LARGE1: variants seen among roughly 807,000 people sequenced by gnomAD.
LARGE1 encodes the protein xylosyl- and glucuronyltransferase LARGE1.
A neutral mutation model predicts 87.6 loss-of-function variants in LARGE1; 43 were observed. The ratio of observed to expected loss-of-function variants is 0.49; its 90% CI spans 0.38 to 0.63. LARGE1 has a LOEUF of 0.63. Among genes scored for constraint, LARGE1 ranks in the 30% least tolerant of loss-of-function variants. The pLI, the probability that LARGE1 is intolerant of heterozygous loss-of-function variation, is 0.00. For missense variants in LARGE1, 802 were observed against 1,000.2 expected (o/e 0.80, Z 2.67); for synonymous variants, 434 against 394.6 (o/e 1.10, Z -1.18).
chr22:33,667,116 G>A (rs1252855360), intron 2 of LARGE1, among the ~76,000 whole-genome samples: 3 of 152,276 alleles, frequency 2.0e-5, no homozygotes, highest in South Asian at 4.1e-4. Context: ...TACTCAGCCC[G>A]GTGCATGCAC....
intron 3 of LARGE1, among the ~76,000 whole-genome samples, chr22:33,638,454 A>G (rs956071249): frequency 1.2e-4 from 18 of 146,848 alleles, no homozygotes; most frequent in African/African-American, 4.4e-4. Flanking sequence ...CCCAAGGTGA[A>G]AGATGATCCC....
chr22:33,110,559 C>T, the LARGE1 span: 1 of 152,274 alleles, frequency 6.6e-6, no homozygotes, highest in African/African-American at 2.4e-5. Context: ...TGGCCAGGAG[C>T]ATCACAGAGA....
intron 6 of LARGE1, among the ~76,000 whole-genome samples, chr22:33,519,933 C>T (rs1245799828): frequency 7.3e-5 from 11 of 151,168 alleles, no homozygotes; most frequent in African/African-American, 2.4e-4. Context: ...GAAGTTTGTA[C>T]TCCCTGGCTT....
At chr22:33,576,155 A>G (rs554184544) in intron 5 of LARGE1, among the ~76,000 whole-genome samples, 4 of 152,354 alleles carry the variant, frequency 2.6e-5, no homozygotes, top group African/African-American at 9.6e-5. Context: ...CACAGTATGT[A>G]TTTATGTATG....
intron 1 of LARGE1, among the ~76,000 whole-genome samples, chr22:33,817,926 GAGGAAAGGGGGAGGAGAGGA>G (rs1312999395): frequency 7.2e-6 from 1 of 139,734 alleles, no homozygotes; most frequent in Non-Finnish European, 1.6e-5. Context: ...GGAGGAGAGG[GAGGAAAGGGGGAGGAGAGGA>G]AGGAAGAACA....
intron 3 of LARGE1, among the ~76,000 whole-genome samples, chr22:33,631,958 T>C (rs899110716): frequency 6.6e-6 from 1 of 152,158 alleles, no homozygotes; most frequent in Non-Finnish European, 1.5e-5. Flanking sequence ...GTAAATGCAG[T>C]CCACTGTTGA....
intron 6 of LARGE1, among the ~76,000 whole-genome samples, chr22:33,564,119 C>T (rs140112324): frequency 0.011 from 1,694 of 152,188 alleles, 17 homozygotes; most frequent in Middle Eastern, 0.027. Context: ...ATTTCACTGT[C>T]GAATTTCTTT....
At chr22:33,450,851 C>T (rs986334617) in intron 6 of LARGE1, among the ~76,000 whole-genome samples, 1 of 152,076 alleles carries the variant, frequency 6.6e-6, no homozygotes. Context: ...ATGAAGGTTG[C>T]TGAAATTAAT....
intron 1 of LARGE1, among the ~76,000 whole-genome samples, chr22:33,773,052 C>T (rs2085121767): frequency 6.6e-6 from 1 of 152,204 alleles, no homozygotes; most frequent in East Asian, 1.9e-4. Flanking sequence ...GCCCCTCAGA[C>T]ACCCTCTCGT....
intron 11 of LARGE1, among the ~76,000 whole-genome samples, chr22:33,256,387 A>G (rs1927268955): frequency 6.6e-6 from 1 of 152,222 alleles, no homozygotes; most frequent in Admixed American, 6.5e-5. Context: ...GGGCACCAGG[A>G]GTGTGAAACT....
intron 11 of LARGE1, among the ~76,000 whole-genome samples, chr22:33,227,536 C>T: frequency 6.6e-6 from 1 of 152,212 alleles, no homozygotes; most frequent in East Asian, 1.9e-4. Flanking sequence ...AGTGGGGAAA[C>T]TGAGGTACAG....
intron 9 of LARGE1, among the ~76,000 whole-genome samples, chr22:33,356,097 C>T (rs1278971203): frequency 1.3e-5 from 2 of 152,198 alleles, no homozygotes; most frequent in African/African-American, 4.8e-5. Flanking sequence ...TTTGGACATA[C>T]ACTCTGGAAA....
At chr22:33,791,402 GCA>G (rs990536337) in intron 1 of LARGE1, among the ~76,000 whole-genome samples, 5 of 152,212 alleles carry the variant, frequency 3.3e-5, no homozygotes, top group Admixed American at 3.3e-4. Context: ...TTATAATATG[GCA>G]CAAAGGGGAA....
chr22:33,809,283 A>AT (rs397951799), intron 1 of LARGE1, among the ~76,000 whole-genome samples: 2 of 151,216 alleles, frequency 1.3e-5, no homozygotes, highest in Admixed American at 1.3e-4. Context: ...AAAAAAAAAA[A>AT]TCAGGTCCTG....
chr22:33,754,853 C>T (rs1348640512), intron 2 of LARGE1, among the ~76,000 whole-genome samples: 2 of 152,164 alleles, frequency 1.3e-5, no homozygotes, highest in Non-Finnish European at 2.9e-5. Context: ...GATTATTCAC[C>T]AATACCATGT....
intron 2 of LARGE1, among the ~76,000 whole-genome samples, chr22:33,730,435 T>C (rs548521814): frequency 2.0e-5 from 3 of 152,342 alleles, no homozygotes; most frequent in East Asian, 1.9e-4. Context: ...TCACATTGCA[T>C]GCCTGTACCA....
chr22:33,558,178 G>A (rs1298150132), intron 6 of LARGE1, among the ~76,000 whole-genome samples: 1 of 152,182 alleles, frequency 6.6e-6, no homozygotes, highest in Non-Finnish European at 1.5e-5. Flanking sequence ...CTAGAAGGGG[G>A]CACACTGGGC....
intron 1 of LARGE1, among the ~76,000 whole-genome samples, chr22:33,872,769 G>A (rs1055356581): frequency 1.3e-5 from 2 of 152,086 alleles, no homozygotes; most frequent in African/African-American, 2.4e-5. Context: ...AGGCTGAGGC[G>A]GGTGGATGAC....
intron 1 of LARGE1, among the ~76,000 whole-genome samples, chr22:33,806,662 A>C (rs1025937633): frequency 4.6e-5 from 7 of 152,178 alleles, no homozygotes; most frequent in African/African-American, 1.7e-4. Flanking sequence ...TCAGTGATGC[A>C]ATGATGCCAG....
Sources: gnomAD v4.1 joint callset for allele counts (sites outside exome capture counted in the v4.1 genomes callset) on GRCh38, gnomAD v4.1.1 for gene constraint, MANE v1.5 for transcripts, NCBI Gene and HGNC (gene_info 2026-07-23, HGNC 2026-07-21) for gene names.